PALLD: variants seen among roughly 807,000 people sequenced by gnomAD.
PALLD encodes palladin.
A neutral mutation model predicts 123.5 loss-of-function variants in PALLD; 61 were observed. The observed-to-expected ratio is 0.49, with a 90% CI of 0.40 to 0.61. PALLD has a LOEUF of 0.61. PALLD is among the 20% of genes least tolerant of loss of function. The probability of loss-of-function intolerance (pLI) is 0.00; values close to 1 mark genes in which losing one functional copy is unlikely to be tolerated. For missense variants in PALLD, 1,273 were observed against 1,377.0 expected, an observed-to-expected ratio of 0.92 and a Z score of 1.20; for synonymous variants, 465 against 496.4, an observed-to-expected ratio of 0.94 and a Z score of 0.84.
chr4:168,804,308 T>C (rs1422705316), intron 10 of PALLD, among the ~76,000 whole-genome samples: 2 of 152,262 alleles, frequency 1.3e-5, no homozygotes, highest in Non-Finnish European at 2.9e-5. Context: ...CAAGTTGGTA[T>C]AGGCCAGAAA....
At chr4:168,658,751 T>C (rs1309002989) in intron 2 of PALLD, among the ~76,000 whole-genome samples, 2 of 152,224 alleles carry the variant, frequency 1.3e-5, no homozygotes, top group African/African-American at 2.4e-5. Flanking sequence ...CCTTTTTCCT[T>C]AGGAGATAAA....
At chr4:168,755,008 G>A (rs867663835) in intron 10 of PALLD, among the ~76,000 whole-genome samples, 5 of 152,130 alleles carry the variant, frequency 3.3e-5, no homozygotes, top group Admixed American at 2.0e-4. Context: ...TGAGGTGGGC[G>A]GATCATGAGG....
At chr4:168,541,444 TTTATTTATTTATTTA>T (rs1396526973) in intron 2 of PALLD, among the ~76,000 whole-genome samples, 4 of 13,900 alleles carry the variant, frequency 2.9e-4, no homozygotes, top group East Asian at 0.03. Context: ...TCTCACTCAT[TTTATTTATTTATTTA>T]TTTATTTATT....
chr4:168,611,596 C>A (rs932588131), intron 2 of PALLD, among the ~76,000 whole-genome samples: 1 of 152,280 alleles, frequency 6.6e-6, no homozygotes, highest in African/African-American at 2.4e-5. Context: ...AAACTGAGGT[C>A]CTTGAAGACT....
At chr4:168,698,081 A>G (rs999283085) in intron 8 of PALLD, among the ~76,000 whole-genome samples, 1 of 152,186 alleles carries the variant, frequency 6.6e-6, no homozygotes, top group Non-Finnish European at 1.5e-5. Context: ...CATGGATGGA[A>G]CTGGAGCTCA....
At chr4:168,699,082 A>G (rs1039104446) in intron 8 of PALLD, among the ~76,000 whole-genome samples, 1 of 151,822 alleles carries the variant, frequency 6.6e-6, no homozygotes, top group Admixed American at 6.6e-5. Flanking sequence ...ATCCTTTGCA[A>G]TTTTTTTCTT....
rs77103550 is a variant in PALLD, at chr4:168,606,217, C to G, written c.909-61973C>G. 3.3e-3 allele frequency among the ~76,000 whole-genome samples: 496 copies of G among 152,190 alleles called. 15 individuals are homozygous for G. In the East Asian group the frequency reaches 0.061, roughly 19 times the overall value. ...AGCATCCTTACGTGTGATTTTTGGA[C>G]ACTTTATTGTTGTTGTTGTTGTTAC... On this transcript the variant is annotated intron_variant, in intron 2 of 21. Transcript: ENST00000505667.
In PALLD at chr4:168,641,207, CA is replaced by C. The variant is rs567163235; in HGVS notation, c.909-26968del. ...TGGGCGACAGAGCGAGACTCCATCT[CA>C]AAAAAAAAAAAAAAGAGAGAGATTC... On this transcript the variant is annotated intron_variant, in intron 2 of 21. Transcript: ENST00000505667. Among the ~76,000 whole-genome samples the C allele has an allele frequency of 8.3e-3, 951 of 114,460 alleles. 4 individuals carry two copies. Among genetic ancestry groups the C allele is most frequent in the Non-Finnish European group, 0.011 (582 of 53,496 alleles). The allele number at this position is 114,460 out of a possible 152,430, so 75.1% of individuals were successfully genotyped here.
intron 10 of PALLD, among the ~76,000 whole-genome samples, chr4:168,738,055 A>T (rs1352617270): frequency 1.3e-5 from 2 of 152,220 alleles, no homozygotes. Flanking sequence ...TTTTAAAACC[A>T]CATTACCTTT....
At chr4:168,564,108 C>T (rs1335947673) in intron 2 of PALLD, among the ~76,000 whole-genome samples, 3 of 152,324 alleles carry the variant, frequency 2.0e-5, no homozygotes, top group East Asian at 1.9e-4. Context: ...TTATTCTGAG[C>T]CTAGCTGTCC....
At chr4:168,915,808 C>A in intron 16 of PALLD, 87 bp from the exon 17 acceptor site, 1 of 982,506 alleles carries the variant, frequency 1.0e-6, no homozygotes, top group Non-Finnish European at 1.6e-6. Context: ...ATTATTACCC[C>A]ATGTATTTTA....
chr4:168,798,010 A>G (rs1052840867), intron 10 of PALLD, among the ~76,000 whole-genome samples: 23 of 152,194 alleles, frequency 1.5e-4, no homozygotes, highest in Non-Finnish European at 2.2e-4. Context: ...AGGGTATCAC[A>G]TTCAAAATTG....
chr4:168,761,815 A>G (rs1732976283), intron 10 of PALLD, among the ~76,000 whole-genome samples: 1 of 151,762 alleles, frequency 6.6e-6, no homozygotes, highest in Admixed American at 6.6e-5. Flanking sequence ...CCGGCAGGAA[A>G]TATTCTATTC....
intron 10 of PALLD, among the ~76,000 whole-genome samples, chr4:168,865,632 T>G (rs1246443853): frequency 6.6e-6 from 1 of 152,220 alleles, no homozygotes. Flanking sequence ...GTCGTCTTTA[T>G]AGTGTTGTTC....
intron 2 of PALLD, among the ~76,000 whole-genome samples, chr4:168,660,411 G>T (rs1425686685): frequency 6.6e-6 from 1 of 152,158 alleles, no homozygotes; most frequent in Non-Finnish European, 1.5e-5. Flanking sequence ...ACCTTGAAAT[G>T]TAGAAAGTGA....
At chr4:168,503,410 G>T (rs1355586204) in intron 1 of PALLD, among the ~76,000 whole-genome samples, 1 of 152,182 alleles carries the variant, frequency 6.6e-6, no homozygotes, top group Non-Finnish European at 1.5e-5. Context: ...AGCACTTTGG[G>T]AGGCCAAGGC....
intron 2 of PALLD, among the ~76,000 whole-genome samples, chr4:168,589,806 A>G (rs1305511138): frequency 6.6e-6 from 1 of 152,056 alleles, no homozygotes; most frequent in African/African-American, 2.4e-5. Context: ...AAAGATTTAA[A>G]CTCTTGAAGG....
At position 168,742,979 on chromosome 4, in the gene PALLD, C is replaced by T. The variant is rs548845555; in HGVS notation, c.1964+31056C>T. Among the ~76,000 whole-genome samples, 9 of 152,256 alleles carry T rather than the reference C, an allele frequency of 5.9e-5. No homozygotes were observed. The East Asian group carries it at 1.7e-3, about 29-fold the overall frequency. On this transcript the variant is annotated intron_variant, in intron 10 of 21. Coordinates refer to ENST00000505667, the MANE Select transcript of PALLD (RefSeq NM_001166108.2). ...CTCCTGCTATTCTCTTCTGTAATCT[C>T]CATTTGCCCGACCACCTCCTACCAT...
intron 10 of PALLD, among the ~76,000 whole-genome samples, chr4:168,716,417 A>G (rs561947957): frequency 2.0e-5 from 3 of 152,364 alleles, no homozygotes; most frequent in African/African-American, 4.8e-5. Flanking sequence ...TGCTAAATCA[A>G]CAGCTCCCCT....
Sources: gnomAD v4.1 joint callset for allele counts (sites outside exome capture counted in the v4.1 genomes callset) on GRCh38, gnomAD v4.1.1 for gene constraint, MANE v1.5 for transcripts, NCBI Gene and HGNC (gene_info 2026-07-23, HGNC 2026-07-21) for gene names.